Variants in ZNF214 observed in about 807,000 individuals in gnomAD.
The protein encoded by ZNF214 is zinc finger protein 214, also known as BWSCR2-associated zinc finger protein 1.
A neutral mutation model predicts 53.9 loss-of-function variants in ZNF214; 43 were observed. The ratio of observed to expected loss-of-function variants is 0.80; its 90% CI spans 0.63 to 1.03. ZNF214 has a LOEUF of 1.03. Ranked by LOEUF, ZNF214 falls within the 50% of genes least tolerant of loss-of-function variation. ZNF214 has a pLI of 0.00. For synonymous variants in ZNF214, 217 were observed against 229.5 expected (o/e 0.95, Z 0.49); for missense variants, 724 against 719.1 (o/e 1.01, Z -0.08).
At position 6,999,965 on chromosome 11, in the gene ZNF214, T is replaced by C. The variant is rs763443245; in HGVS notation, c.1718A>G (p.Gln573Arg). The C allele has an allele frequency of 2.5e-6, 4 of 1,613,098 alleles. No homozygotes were observed. Among genetic ancestry groups the C allele is most frequent in the Admixed American group, 1.7e-5 (1 of 59,826 alleles). ...FSHSSALRIHQRVHAGEKPYK... is the reference protein window; with the variant it reads ...FSHSSALRIHRRVHAGEKPYK... ...AGGTTTCTCTCCTGCATGGACTCTT[T>C]GATGAATTCGAAGAGCTGAGCTATG... Residue 573 changes from glutamine to arginine, a missense_variant, in exon 3 of 3, where the codon CAA (glutamine) becomes CGA (arginine). By Grantham distance (43) the Gln-to-Arg change is conservative (BLOSUM62 1). Coordinates refer to ENST00000278314, the MANE Select transcript of ZNF214 (RefSeq NM_013249.4).
chr11:7,016,303 AC>A (rs1450016275), intron 1 of ZNF214, among the ~76,000 whole-genome samples: 1 of 152,196 alleles, frequency 6.6e-6, no homozygotes, highest in South Asian at 2.1e-4. Flanking sequence ...GAAGTGACAG[AC>A]ATGCAATAAG....
rs542487784 is a variant in ZNF214, at chr11:6,999,180, G to C, written c.*682C>G. 5.3e-5 allele frequency: 8 copies of C among 152,032 alleles called. No individual in the cohort carries two copies. The East Asian group carries it at 1.5e-3, about 29-fold the overall frequency. 9.4% of individuals were successfully genotyped at this position (152,032 alleles called of 1,614,324 possible). A position where few individuals can be genotyped will look rare whatever the true frequency, so the allele number is the denominator to read the frequency against. ...GTATCTGAACCTATTATTAAGCGTG[G>C]AAAACCGGAAAGGGAAGGGATGAGT... On this transcript the variant is annotated 3_prime_UTR_variant, in exon 3 of 3. Transcript: ENST00000278314.
chr11:7,008,425 G>A (rs1048552495), intron 1 of ZNF214, among the ~76,000 whole-genome samples: 1 of 151,968 alleles, frequency 6.6e-6, no homozygotes, highest in Non-Finnish European at 1.5e-5. Context: ...AGAGCGAGAT[G>A]CTGTCTTAAA....
At chr11:7,019,463 T>A (rs145463126) in intron 1 of ZNF214, among the ~76,000 whole-genome samples, 247 of 152,334 alleles carry the variant, frequency 1.6e-3, no homozygotes, top group African/African-American at 5.6e-3. Context: ...GGTATTTTTC[T>A]TATTTTGTTC....
In ZNF214 at chr11:7,015,574, T is replaced by C. The variant is rs566756157; in HGVS notation, c.-21+4499A>G. ...CCTGGGCAACAGAGCAAGATGACTCTGTCTCAAAACAACAACAAAAACAAC... is the reference window on the plus strand; with the variant it reads ...CCTGGGCAACAGAGCAAGATGACTCCGTCTCAAAACAACAACAAAAACAAC... On this transcript the variant is annotated intron_variant, in intron 1 of 2. Coordinates refer to ENST00000278314, the MANE Select transcript of ZNF214 (RefSeq NM_013249.4). Among the ~76,000 whole-genome samples the C allele has an allele frequency of 6.4e-4, 77 of 119,880 alleles. No individual in the cohort carries two copies. In the South Asian group the frequency reaches 8.0e-3, roughly 12 times the overall value. 78.6% of individuals were successfully genotyped at this position (119,880 alleles called of 152,430 possible).
At chr11:7,009,634 C>CA (rs1851558464) in intron 1 of ZNF214, among the ~76,000 whole-genome samples, 1 of 152,144 alleles carries the variant, frequency 6.6e-6, no homozygotes, top group Non-Finnish European at 1.5e-5. Flanking sequence ...ACAGAGTAAA[C>CA]AGACAACATA....
chr11:7,013,508 A>T (rs986846720), intron 1 of ZNF214, among the ~76,000 whole-genome samples: 6 of 152,232 alleles, frequency 3.9e-5, no homozygotes, highest in African/African-American at 1.4e-4. Context: ...TCGCAGCTGT[A>T]AATCATGTGC....
In ZNF214 at chr11:7,002,786, C is replaced by T; in HGVS notation, c.50G>A (p.Trp17Ter). 6 of 1,609,576 alleles carry T rather than the reference C, an allele frequency of 3.7e-6. No homozygotes were observed. The highest frequency in any genetic ancestry group is 1.7e-4 in the Middle Eastern group (1 of 6,042). Residue 17 changes from tryptophan to a stop codon, truncating the protein, a stop_gained, in exon 2 of 3, where the codon TGG becomes TAG. Transcript: ENST00000278314. LOFTEE classifies it high-confidence loss of function. ...DVTIIFTWEE[W>*]KFLDSSQKRL... ...TTTTTGAGAAGAATCCAGGAATTTC[C>T]ACTCCTCCCATGTAAAAATAATAGT...
At chr11:7,002,297 T>G (rs1851373175) in intron 2 of ZNF214, among the ~76,000 whole-genome samples, 1 of 151,734 alleles carries the variant, frequency 6.6e-6, no homozygotes, top group Admixed American at 6.6e-5. Flanking sequence ...CACAACCAAA[T>G]CCTCCATGAT....
intron 1 of ZNF214, among the ~76,000 whole-genome samples, chr11:7,018,064 CAT>C (rs983645198): frequency 1.3e-5 from 2 of 152,020 alleles, no homozygotes; most frequent in Admixed American, 6.6e-5. Context: ...TATATTTGTA[CAT>C]GTGTATGAAC....
At chr11:7,008,634 G>A (rs973223503) in intron 1 of ZNF214, among the ~76,000 whole-genome samples, 4 of 151,980 alleles carry the variant, frequency 2.6e-5, no homozygotes, top group African/African-American at 9.7e-5. Flanking sequence ...ATAAAGACAG[G>A]AAGTCAAACT....
At chr11:7,003,656 T>C (rs1209706741) in intron 1 of ZNF214, among the ~76,000 whole-genome samples, 3 of 151,976 alleles carry the variant, frequency 2.0e-5, no homozygotes, top group African/African-American at 7.2e-5. Context: ...AAATGTTTGA[T>C]GAAGGGTTGT....
In ZNF214 at chr11:7,015,193, A is replaced by G. The variant is rs191977646; in HGVS notation, c.-21+4880T>C. 8.0e-5 allele frequency among the ~76,000 whole-genome samples: 12 copies of G among 150,290 alleles called. No homozygotes were observed. In the East Asian group the frequency reaches 1.8e-3, roughly 22 times the overall value. The stretch of plus-strand genomic sequence containing the variant: ...TGCAAGCTCTGCCTAAATGAAATTT[A>G]TAATAGCAATAAGAATATAAATTCC... On this transcript the variant is annotated intron_variant, in intron 1 of 2. Transcript: ENST00000278314.
rs111229370 is a variant in ZNF214, at chr11:7,001,581, T to C, written c.128-26A>G. 53 of 1,559,558 alleles carry C rather than the reference T, an allele frequency of 3.4e-5. No homozygotes were observed. The African/African-American group carries it at 4.7e-4, about 14-fold the overall frequency. On this transcript the variant is annotated intron_variant, in intron 2 of 2. Coordinates refer to ENST00000278314, the MANE Select transcript of ZNF214 (RefSeq NM_013249.4). ...CTAGAAAAATAAAAAGATAATCCCA[T>C]GGTGAGATAAAAGCTGTGTTGAAAA...
rs1370676127 is a variant in ZNF214, at chr11:7,000,467, A to G, written c.1216T>C (p.Leu406=). 6.2e-7 allele frequency: 1 copy of G among 1,612,960 alleles called. No homozygotes were observed. The highest frequency in any genetic ancestry group is 8.5e-7 in the Non-Finnish European group (1 of 1,179,510). The change falls in exon 3 of 3, where the codon TTA becomes CTA. Residue 406 remains leucine (L), a synonymous_variant. Transcript: ENST00000278314. ...SQSSNLRIHQ[L]VHTGEKSYKC... Reference sequence around the variant, plus strand: ...TAAGACTTCTCTCCTGTGTGTACTAACTGATGAATTCGAAGATTTGAGCTC... The same window carrying G: ...TAAGACTTCTCTCCTGTGTGTACTAGCTGATGAATTCGAAGATTTGAGCTC...
chr11:7,008,780 A>G (rs903375295), intron 1 of ZNF214, among the ~76,000 whole-genome samples: 10 of 152,180 alleles, frequency 6.6e-5, no homozygotes, highest in African/African-American at 2.4e-4. Context: ...TAGCATTTCT[A>G]TATACCAACA....
At chr11:7,011,021 A>T (rs1851595721) in intron 1 of ZNF214, among the ~76,000 whole-genome samples, 1 of 151,968 alleles carries the variant, frequency 6.6e-6, no homozygotes, top group Non-Finnish European at 1.5e-5. Flanking sequence ...TAAGTACTAA[A>T]TTAAAATGGT....
At position 7,000,880 on chromosome 11, in the gene ZNF214, T is replaced by C. The variant is rs1356734873; in HGVS notation, c.803A>G (p.Asn268Ser). Residue 268 changes from asparagine to serine, a missense_variant, in exon 3 of 3, where the codon AAC (asparagine) becomes AGC (serine). Physicochemically the swap from Asn to Ser is conservative, Grantham distance 46. Transcript: ENST00000278314. Reference protein sequence around the residue: ...QRSDLYRHPRNHIGKKLYGCD... With the variant: ...QRSDLYRHPRSHIGKKLYGCD... ...TCCGTACAGCTTCTTACCTATGTGG[T>C]TTCTTGGATGTCTATACAAGTCTGA... is the stretch of plus-strand genomic sequence containing the variant. 1.2e-6 allele frequency: 2 copies of C among 1,613,178 alleles called. No homozygotes were observed. Among genetic ancestry groups the C allele is most frequent in the Non-Finnish European group, 8.5e-7 (1 of 1,179,544 alleles).
intron 1 of ZNF214, among the ~76,000 whole-genome samples, chr11:7,007,725 C>T (rs1340167744): frequency 6.6e-6 from 1 of 151,618 alleles, no homozygotes; most frequent in Non-Finnish European, 1.5e-5. Flanking sequence ...AACAAAAAAC[C>T]CTAATAATAT....
Sources: gnomAD v4.1 joint callset for allele counts (sites outside exome capture counted in the v4.1 genomes callset) on GRCh38, gnomAD v4.1.1 for gene constraint, MANE v1.5 for transcripts, NCBI Gene and HGNC (gene_info 2026-07-23, HGNC 2026-07-21) for gene names.